Variants in ZNF385D observed in about 807,000 individuals in gnomAD.
ZNF385D encodes the protein zinc finger protein 385D.
Under a neutral mutation model 35.8 loss-of-function variants are expected in ZNF385D, and 15 were observed. That is an observed-to-expected ratio of 0.42 (90% CI 0.28 to 0.64). The LOEUF (loss-of-function observed/expected upper bound fraction) is 0.64. Among genes scored for constraint, ZNF385D ranks in the 30% least tolerant of loss-of-function variants. The probability of loss-of-function intolerance (pLI) is 0.23; values close to 1 mark genes in which losing one functional copy is unlikely to be tolerated. For missense variants in ZNF385D, 474 were observed against 494.6 expected, an observed-to-expected ratio of 0.96 and a Z score of 0.39; for synonymous variants, 212 against 186.8, an observed-to-expected ratio of 1.13 and a Z score of -1.10.
chr3:22,047,663 T>G (rs1699087283), intron 3 of ZNF385D, among the ~76,000 whole-genome samples: 1 of 152,146 alleles, frequency 6.6e-6, no homozygotes, highest in Non-Finnish European at 1.5e-5. Flanking sequence ...GATATGTAGG[T>G]TGATTTCGTA....
At chr3:21,512,069 C>A (rs1707254371) in intron 3 of ZNF385D, among the ~76,000 whole-genome samples, 1 of 149,304 alleles carries the variant, frequency 6.7e-6, no homozygotes, top group Non-Finnish European at 1.5e-5. Flanking sequence ...ATCGCTTGAA[C>A]CCGGGAGGCA....
chr3:21,968,694 G>A (rs930630975), intron 3 of ZNF385D, among the ~76,000 whole-genome samples: 1 of 152,152 alleles, frequency 6.6e-6, no homozygotes, highest in Non-Finnish European at 1.5e-5. Context: ...AGAGCTCTTG[G>A]GCCCTAAATA....
At chr3:21,907,168 A>T (rs1699724260) in intron 3 of ZNF385D, among the ~76,000 whole-genome samples, 1 of 152,158 alleles carries the variant, frequency 6.6e-6, no homozygotes, top group South Asian at 2.1e-4. Context: ...TCTTAATCTT[A>T]GTTTTTCTTA....
At chr3:22,001,475 C>G (rs1307644686) in intron 3 of ZNF385D, among the ~76,000 whole-genome samples, 1 of 151,928 alleles carries the variant, frequency 6.6e-6, no homozygotes, top group African/African-American at 2.4e-5. Flanking sequence ...CCAAAGCAGC[C>G]AGATATATAA....
intron 3 of ZNF385D, among the ~76,000 whole-genome samples, chr3:22,165,645 T>C (rs113968171): frequency 3.1e-3 from 471 of 152,312 alleles, no homozygotes; most frequent in African/African-American, 0.011. Context: ...GAATATAGCA[T>C]TTCTCCTAAT....
At chr3:22,244,282 G>C (rs896603778) in intron 2 of ZNF385D, among the ~76,000 whole-genome samples, 1 of 135,202 alleles carries the variant, frequency 7.4e-6, no homozygotes, top group Non-Finnish European at 1.5e-5. Flanking sequence ...TCTTGAAATT[G>C]TGTTACTCTT....
intron 1 of ZNF385D, among the ~76,000 whole-genome samples, chr3:21,733,373 C>G (rs888127338): frequency 6.6e-6 from 1 of 152,038 alleles, no homozygotes; most frequent in Admixed American, 6.6e-5. Context: ...AGGTCTTTTG[C>G]CTCTCCACAG....
chr3:22,341,581 T>C (rs916182386), intron 2 of ZNF385D, among the ~76,000 whole-genome samples: 4 of 152,238 alleles, frequency 2.6e-5, no homozygotes, highest in South Asian at 4.1e-4. Flanking sequence ...TATTATCCAC[T>C]ATCTGAATGG....
chr3:21,464,841 T>C (rs1703413995), intron 4 of ZNF385D, among the ~76,000 whole-genome samples: 1 of 151,808 alleles, frequency 6.6e-6, no homozygotes, highest in Non-Finnish European at 1.5e-5. Flanking sequence ...GCCTATTAAA[T>C]ATTTGTAGAA....
chr3:21,749,638 A>T (rs547285636), intron 1 of ZNF385D, among the ~76,000 whole-genome samples: 1 of 152,322 alleles, frequency 6.6e-6, no homozygotes, highest in African/African-American at 2.4e-5. Context: ...TAAATTTGGC[A>T]ATGCAATGAA....
At chr3:21,922,108 A>G (rs259514) in intron 3 of ZNF385D, among the ~76,000 whole-genome samples, 28,409 of 152,040 alleles carry the variant, frequency 0.19, 3,406 homozygotes, top group East Asian at 0.38. Flanking sequence ...ACAAGGAGGA[A>G]TACAAAACAC....
At chr3:22,214,653 G>T (rs1697745807) in intron 2 of ZNF385D, among the ~76,000 whole-genome samples, 1 of 152,032 alleles carries the variant, frequency 6.6e-6, no homozygotes, top group South Asian at 2.1e-4. Flanking sequence ...CTGTATGGAT[G>T]AAATAAGCCC....
At chr3:21,554,771 C>A (rs769929681) in intron 3 of ZNF385D, among the ~76,000 whole-genome samples, 1 of 152,148 alleles carries the variant, frequency 6.6e-6, no homozygotes, top group South Asian at 2.1e-4. Context: ...TCACCGTGCA[C>A]GTTTATGTTA....
rs536715986 is a variant in ZNF385D at position 21,626,930 on chromosome 3, C to A, written c.165+37956G>T. On this transcript the variant is annotated intron_variant, in intron 2 of 7. Transcript: ENST00000281523. ...GTCCTGATAAGCCTGTAGAAAAGAACTGGGTATTGAGGGGCTTAGGGAAAA... is the reference window on the plus strand; with the variant it reads ...GTCCTGATAAGCCTGTAGAAAAGAAATGGGTATTGAGGGGCTTAGGGAAAA... Among the ~76,000 whole-genome samples, 20 of 152,018 alleles carry A rather than the reference C, an allele frequency of 1.3e-4. No individual in the cohort carries two copies. The East Asian group carries it at 3.9e-3, about 29-fold the overall frequency.
At chr3:21,999,322 C>CA (rs1464899466) in intron 3 of ZNF385D, among the ~76,000 whole-genome samples, 1 of 151,608 alleles carries the variant, frequency 6.6e-6, no homozygotes, top group Non-Finnish European at 1.5e-5. Context: ...TGAGACAAAA[C>CA]AAAAATTTTT....
At chr3:21,925,219 A>G (rs1387400110) in intron 3 of ZNF385D, among the ~76,000 whole-genome samples, 1 of 152,178 alleles carries the variant, frequency 6.6e-6, no homozygotes, top group Non-Finnish European at 1.5e-5. Flanking sequence ...AAAAAGTGGG[A>G]GGAACAGGTT....
At chr3:22,130,914 A>G (rs1703747157) in intron 3 of ZNF385D, among the ~76,000 whole-genome samples, 2 of 151,958 alleles carry the variant, frequency 1.3e-5, no homozygotes, top group South Asian at 4.2e-4. Context: ...ATTTATTTTT[A>G]TTTATCACAT....
chr3:21,946,356 C>T (rs1701781893), intron 3 of ZNF385D, among the ~76,000 whole-genome samples: 1 of 152,022 alleles, frequency 6.6e-6, no homozygotes, highest in Non-Finnish European at 1.5e-5. Context: ...ACAAGAAATT[C>T]AACACATAAA....
intron 4 of ZNF385D, among the ~76,000 whole-genome samples, chr3:21,468,176 G>T (rs698242): frequency 0.21 from 31,440 of 151,614 alleles, 3,792 homozygotes; most frequent in Non-Finnish European, 0.29. Flanking sequence ...AGGCTGAGGC[G>T]GGCGGATCAC....
Sources: allele counts gnomAD v4.1 joint callset (sites outside exome capture counted in the v4.1 genomes callset), GRCh38; gene constraint gnomAD v4.1.1; transcripts MANE v1.5; gene names NCBI Gene and HGNC (gene_info 2026-07-23, HGNC 2026-07-21).